NYAP2: variants seen among roughly 807,000 people sequenced by gnomAD.
The protein encoded by NYAP2 is neuronal tyrosine-phosphorylated phosphoinositide-3-kinase adaptor 2.
NYAP2 carries 23 observed loss-of-function variants against 50.4 expected under a neutral mutation model. The observed-to-expected ratio is 0.46, with a 90% CI of 0.33 to 0.65. The LOEUF (loss-of-function observed/expected upper bound fraction) is 0.65. Ranked by LOEUF, NYAP2 falls within the 30% of genes least tolerant of loss-of-function variation. The pLI, the probability that NYAP2 is intolerant of heterozygous loss-of-function variation, is 0.02. For missense variants in NYAP2, 885 were observed against 861.0 expected (o/e 1.03, Z -0.35); for synonymous variants, 394 against 365.2 (o/e 1.08, Z -0.90).
chr2:225,687,515 C>G, the NYAP2 span, among the ~76,000 whole-genome samples: 2 of 152,172 alleles, frequency 1.3e-5, no homozygotes, highest in South Asian at 4.2e-4. Context: ...AACTTTAGGC[C>G]ACCACTTTTT....
intron 3 of NYAP2, among the ~76,000 whole-genome samples, chr2:225,459,309 G>C (rs191714300): frequency 2.4e-4 from 37 of 152,290 alleles, no homozygotes; most frequent in African/African-American, 8.9e-4. Context: ...TTGGGATTTA[G>C]GTTAGGGTTA....
chr2:225,702,449 A>C, the NYAP2 span: 1 of 151,782 alleles, frequency 6.6e-6, no homozygotes, highest in African/African-American at 2.4e-5. Flanking sequence ...ATATTTTCAA[A>C]ATAAAGCCAA....
chr2:225,532,342 A>C lies in NYAP2; in HGVS notation c.523+18670A>C, dbSNP rs73084723. Reference sequence around the variant, plus strand: ...TGAAGCATAGACTTATTGCATAAAGAGTACTTTGATTTTATGGCTCTATAG... The same window carrying C: ...TGAAGCATAGACTTATTGCATAAAGCGTACTTTGATTTTATGGCTCTATAG... On this transcript the variant is annotated intron_variant, in intron 4 of 6. Transcript: ENST00000636099. Among the ~76,000 whole-genome samples, 1,397 of 152,328 alleles carry C rather than the reference A, an allele frequency of 9.2e-3. 33 individuals are homozygous for C. The highest frequency in any genetic ancestry group is 0.032 in the African/African-American group (1,340 of 41,582).
intron 3 of NYAP2, among the ~76,000 whole-genome samples, chr2:225,473,144 T>A (rs1018468023): frequency 6.6e-6 from 1 of 152,218 alleles, no homozygotes; most frequent in Non-Finnish European, 1.5e-5. Flanking sequence ...GAACTCATCG[T>A]TTTTTATGGC....
At chr2:225,648,131 G>T (rs977172888) in intron 6 of NYAP2, among the ~76,000 whole-genome samples, 10 of 152,116 alleles carry the variant, frequency 6.6e-5, no homozygotes, top group Non-Finnish European at 1.5e-4. Context: ...CTCATGAGTA[G>T]CTGGGATTAC....
chr2:225,698,688 T>TA, the NYAP2 span: 1 of 152,168 alleles, frequency 6.6e-6, no homozygotes, highest in African/African-American at 2.4e-5. Flanking sequence ...AAGTTCAAGA[T>TA]AAAATGCATA....
chr2:225,656,520 T>A (rs183402448), downstream of NYAP2, among the ~76,000 whole-genome samples: 20 of 152,266 alleles, frequency 1.3e-4, no homozygotes, highest in African/African-American at 4.1e-4. Flanking sequence ...CTGGAGCAGA[T>A]GCAGGTTCTC....
At chr2:225,550,351 ATAGAG>A (rs1559211897) in intron 4 of NYAP2, among the ~76,000 whole-genome samples, 1 of 152,204 alleles carries the variant, frequency 6.6e-6, no homozygotes, top group Admixed American at 6.5e-5. Context: ...TTACAAAAAG[ATAGAG>A]TAATCAATGG....
intron 3 of NYAP2, among the ~76,000 whole-genome samples, chr2:225,513,083 G>C (rs1266352188): frequency 6.6e-6 from 1 of 152,090 alleles, no homozygotes; most frequent in Non-Finnish European, 1.5e-5. Context: ...CATAGTCATG[G>C]AATTCTTGTT....
intron 6 of NYAP2, among the ~76,000 whole-genome samples, chr2:225,644,416 C>G (rs1367228177): frequency 6.6e-6 from 1 of 151,226 alleles, no homozygotes; most frequent in East Asian, 2.0e-4. Flanking sequence ...ATGGTAGTTT[C>G]TTTTGCTGTG....
At chr2:225,473,063 GT>G (rs1336514964) in intron 3 of NYAP2, among the ~76,000 whole-genome samples, 6 of 152,112 alleles carry the variant, frequency 3.9e-5, no homozygotes, top group Non-Finnish European at 7.3e-5. Flanking sequence ...GCGGTGTTTG[GT>G]TTTTTGTCCT....
At chr2:225,502,521 G>A (rs750899970) in intron 3 of NYAP2, among the ~76,000 whole-genome samples, 5 of 152,178 alleles carry the variant, frequency 3.3e-5, no homozygotes, top group Non-Finnish European at 5.9e-5. Flanking sequence ...TATTGGTTGT[G>A]CCTTTGGGCC....
At chr2:225,502,656 C>G (rs1690627075) in intron 3 of NYAP2, among the ~76,000 whole-genome samples, 1 of 152,174 alleles carries the variant, frequency 6.6e-6, no homozygotes, top group Non-Finnish European at 1.5e-5. Context: ...CCTTCTTCCC[C>G]ACTTCTCTCT....
At chr2:225,581,117 G>A (rs145558684) in intron 4 of NYAP2, among the ~76,000 whole-genome samples, 3 of 152,272 alleles carry the variant, frequency 2.0e-5, no homozygotes, top group Non-Finnish European at 4.4e-5. Flanking sequence ...TGTGCAATAC[G>A]TTGGTACACA....
intron 3 of NYAP2, among the ~76,000 whole-genome samples, chr2:225,461,589 G>A (rs1011020895): frequency 6.6e-6 from 1 of 152,184 alleles, no homozygotes; most frequent in East Asian, 1.9e-4. Flanking sequence ...AGATGTCTCT[G>A]TCCTACTTTT....
the NYAP2 span, among the ~76,000 whole-genome samples, chr2:225,676,219 T>C: frequency 6.6e-6 from 1 of 152,122 alleles, no homozygotes; most frequent in East Asian, 1.9e-4. Flanking sequence ...CCATAAATTC[T>C]TTCACAAAAC....
chr2:225,596,961 C>T (rs1438522786), intron 5 of NYAP2, among the ~76,000 whole-genome samples: 1 of 152,030 alleles, frequency 6.6e-6, no homozygotes, highest in African/African-American at 2.4e-5. Flanking sequence ...TAAAAGTGTA[C>T]CTTCATTTTC....
chr2:225,541,250 C>T (rs1691466009), intron 4 of NYAP2, among the ~76,000 whole-genome samples: 2 of 152,088 alleles, frequency 1.3e-5, no homozygotes, highest in South Asian at 4.1e-4. Context: ...TGTCTCTTCA[C>T]TTTGTTTATT....
intron 3 of NYAP2, among the ~76,000 whole-genome samples, chr2:225,472,289 A>G (rs756357302): frequency 2.0e-5 from 3 of 152,132 alleles, no homozygotes; most frequent in Non-Finnish European, 2.9e-5. Context: ...TTTTATTTGG[A>G]GCTAATTATC....
Sources: allele counts gnomAD v4.1 joint callset (sites outside exome capture counted in the v4.1 genomes callset), GRCh38; gene constraint gnomAD v4.1.1; transcripts MANE v1.5; gene names NCBI Gene and HGNC (gene_info 2026-07-23, HGNC 2026-07-21).